The following PRKD1 variants were observed in gnomAD, a reference collection of about 807,000 sequenced individuals.
PRKD1 encodes the protein serine/threonine-protein kinase D1.
Under a neutral mutation model 95.9 loss-of-function variants are expected in PRKD1, and 63 were observed. The ratio of observed to expected loss-of-function variants is 0.66; its 90% CI spans 0.54 to 0.81. PRKD1 has a LOEUF of 0.81. Among genes scored for constraint, PRKD1 ranks in the 30% least tolerant of loss-of-function variants. PRKD1 has a pLI of 0.00. For synonymous variants in PRKD1, 425 were observed against 423.1 expected (o/e 1.00, Z -0.05); for missense variants, 1,048 against 1,165.3 (o/e 0.90, Z 1.47).
At chr14:29,641,012 G>A (rs1880723389) in intron 4 of PRKD1, among the ~76,000 whole-genome samples, 1 of 152,056 alleles carries the variant, frequency 6.6e-6, no homozygotes, top group Non-Finnish European at 1.5e-5. Context: ...TAAACTACAA[G>A]AACTATAATT....
chr14:29,627,193 A>G (rs1879686172), intron 11 of PRKD1, among the ~76,000 whole-genome samples: 1 of 152,248 alleles, frequency 6.6e-6, no homozygotes, highest in African/African-American at 2.4e-5. Context: ...TGAGATGGCT[A>G]TTTGGAAATG....
rs1458701106 is a variant in PRKD1 at position 29,800,595 on chromosome 14, G to T, written c.265-74921C>A. 3.9e-5 allele frequency among the ~76,000 whole-genome samples: 6 copies of T among 152,138 alleles called. No individual in the cohort carries two copies. In the East Asian group the frequency reaches 1.2e-3, roughly 29 times the overall value. Reference sequence around the variant, plus strand: ...TAAGTCCACATGCAGGAAAATATTTGACTTGCTTTACCTTATGAAAACTAA... The same window carrying T: ...TAAGTCCACATGCAGGAAAATATTTTACTTGCTTTACCTTATGAAAACTAA... On this transcript the variant is annotated intron_variant, in intron 1 of 17. Coordinates refer to ENST00000331968, the MANE Select transcript of PRKD1 (RefSeq NM_002742.3).
chr14:29,577,879 T>C (rs949169790), intron 17 of PRKD1, among the ~76,000 whole-genome samples: 13 of 152,170 alleles, frequency 8.5e-5, no homozygotes, highest in African/African-American at 3.1e-4. Context: ...CATTTAAAAA[T>C]ATAGCTTCTA....
chr14:29,583,234 T>C (rs993343784), intron 16 of PRKD1, among the ~76,000 whole-genome samples: 2 of 152,138 alleles, frequency 1.3e-5, no homozygotes, highest in Admixed American at 6.6e-5. Context: ...GGGTAAGATA[T>C]ATTGGAACAT....
chr14:29,721,434 C>T (rs1276922254), intron 2 of PRKD1, among the ~76,000 whole-genome samples: 1 of 152,130 alleles, frequency 6.6e-6, no homozygotes, highest in Non-Finnish European at 1.5e-5. Flanking sequence ...TAACTACCTA[C>T]AAGATACACA....
At chr14:29,631,862 T>G (rs541107345) in intron 9 of PRKD1, among the ~76,000 whole-genome samples, 1 of 151,958 alleles carries the variant, frequency 6.6e-6, no homozygotes, top group African/African-American at 2.4e-5. Flanking sequence ...AGTGCATTGG[T>G]GCAATCCTGG....
chr14:29,602,134 A>G (rs926818115), intron 13 of PRKD1, among the ~76,000 whole-genome samples: 2 of 152,186 alleles, frequency 1.3e-5, no homozygotes, highest in Non-Finnish European at 2.9e-5. Flanking sequence ...AGCAGAAGCA[A>G]TGAATCAGAA....
At chr14:29,872,905 T>G (rs1566648087) in intron 1 of PRKD1, among the ~76,000 whole-genome samples, 1 of 152,144 alleles carries the variant, frequency 6.6e-6, no homozygotes, top group Non-Finnish European at 1.5e-5. Context: ...TTTACATATT[T>G]GTGTTTTTCT....
At chr14:29,683,953 A>C (rs551968860) in intron 2 of PRKD1, among the ~76,000 whole-genome samples, 1 of 152,250 alleles carries the variant, frequency 6.6e-6, no homozygotes, top group East Asian at 1.9e-4. Flanking sequence ...TGGTATCTGA[A>C]CCCAATGGCC....
At chr14:29,925,057 A>T (rs1308645867) in intron 1 of PRKD1, among the ~76,000 whole-genome samples, 1 of 152,158 alleles carries the variant, frequency 6.6e-6, no homozygotes, top group African/African-American at 2.4e-5. Context: ...CAACTTTTTT[A>T]TAACCTAAAA....
At chr14:29,583,689 T>C (rs1594337553) in intron 16 of PRKD1, among the ~76,000 whole-genome samples, 1 of 152,172 alleles carries the variant, frequency 6.6e-6, no homozygotes, top group South Asian at 2.1e-4. Context: ...AAGTCTTTTT[T>C]TTCTCTTCTT....
At chr14:29,755,995 A>G (rs901007712) in intron 1 of PRKD1, among the ~76,000 whole-genome samples, 8 of 152,110 alleles carry the variant, frequency 5.3e-5, no homozygotes, top group East Asian at 3.9e-4. Context: ...CTACTCCCCA[A>G]TTGTGACACT....
intron 1 of PRKD1, among the ~76,000 whole-genome samples, chr14:29,736,343 A>G (rs1380171918): frequency 6.6e-6 from 1 of 152,232 alleles, no homozygotes; most frequent in Non-Finnish European, 1.5e-5. Context: ...GCAAAATCGT[A>G]CTTTAAAATG....
chr14:29,822,839 T>C (rs1013691467), intron 1 of PRKD1, among the ~76,000 whole-genome samples: 3 of 152,202 alleles, frequency 2.0e-5, no homozygotes, highest in Non-Finnish European at 2.9e-5. Context: ...CCACAGTTCT[T>C]AGTTCAGTCC....
At chr14:29,601,369 T>C (rs1893511874) in intron 13 of PRKD1, among the ~76,000 whole-genome samples, 1 of 152,218 alleles carries the variant, frequency 6.6e-6, no homozygotes, top group Non-Finnish European at 1.5e-5. Context: ...TTCTGATGCC[T>C]TGGGTCAAAT....
At chr14:29,721,429 A>G (rs1885889576) in intron 2 of PRKD1, among the ~76,000 whole-genome samples, 1 of 152,198 alleles carries the variant, frequency 6.6e-6, no homozygotes, top group Non-Finnish European at 1.5e-5. Context: ...CTATTTAACT[A>G]CCTACAAGAT....
intron 4 of PRKD1, among the ~76,000 whole-genome samples, chr14:29,659,588 T>C (rs940222224): frequency 6.6e-6 from 1 of 152,144 alleles, no homozygotes; most frequent in Non-Finnish European, 1.5e-5. Context: ...ATCCCAGTAG[T>C]AGTGTATGTA....
At chr14:29,675,967 C>CT (rs1555334343) in intron 2 of PRKD1, among the ~76,000 whole-genome samples, 11 of 109,546 alleles carry the variant, frequency 1.0e-4, no homozygotes, top group African/African-American at 2.3e-4. Context: ...CATCACACAT[C>CT]GGGGCCTGTC....
intron 13 of PRKD1, among the ~76,000 whole-genome samples, chr14:29,623,671 G>A (rs1289187218): frequency 6.6e-6 from 1 of 152,140 alleles, no homozygotes; most frequent in Non-Finnish European, 1.5e-5. Flanking sequence ...GAAGTTAAGT[G>A]ACAATGCCCG....
Sources: gnomAD v4.1 joint callset for allele counts (sites outside exome capture counted in the v4.1 genomes callset) on GRCh38, gnomAD v4.1.1 for gene constraint, MANE v1.5 for transcripts, NCBI Gene and HGNC (gene_info 2026-07-23, HGNC 2026-07-21) for gene names.